MSI2: variants seen among roughly 807,000 people sequenced by gnomAD.
The protein encoded by MSI2 is RNA-binding protein Musashi homolog 2.
Under a neutral mutation model 45.6 loss-of-function variants are expected in MSI2, and 17 were observed. The observed-to-expected ratio is 0.37, with a 90% confidence interval of 0.26 to 0.56. The LOEUF (loss-of-function observed/expected upper bound fraction) is 0.56, where lower values mean the gene tolerates loss of function less well. MSI2 is among the 20% of genes least tolerant of loss of function. MSI2 has a pLI of 0.77. For synonymous variants in MSI2, 156 were observed against 158.2 expected (o/e 0.99, Z 0.11); for missense variants, 293 against 444.2 (o/e 0.66, Z 3.06).
At chr17:57,472,398 C>A (rs1011683425) in intron 6 of MSI2, among the ~76,000 whole-genome samples, 2 of 152,088 alleles carry the variant, frequency 1.3e-5, no homozygotes, top group Non-Finnish European at 2.9e-5. Context: ...AGATCAGATC[C>A]CCTTAGTGAA....
chr17:57,298,269 T>A (rs1202315692), intron 5 of MSI2, among the ~76,000 whole-genome samples: 1 of 152,212 alleles, frequency 6.6e-6, no homozygotes, highest in African/African-American at 2.4e-5. Flanking sequence ...AAGACAACAT[T>A]AATCTTCTTG....
At chr17:57,307,044 C>A (rs1447798324) in intron 5 of MSI2, among the ~76,000 whole-genome samples, 1 of 152,224 alleles carries the variant, frequency 6.6e-6, no homozygotes, top group Non-Finnish European at 1.5e-5. Flanking sequence ...TTTTGAGGAA[C>A]ATTTTGAGCT....
chr17:57,490,625 G>A (rs1352768399), intron 6 of MSI2, among the ~76,000 whole-genome samples: 2 of 152,184 alleles, frequency 1.3e-5, no homozygotes, highest in Non-Finnish European at 2.9e-5. Context: ...CTAAAGCAAA[G>A]GGATTATCCT....
intron 8 of MSI2, chr17:57,608,206 C>T (rs1185603801): frequency 6.6e-6 from 1 of 152,552 alleles, no homozygotes; most frequent in Non-Finnish European, 1.5e-5. Context: ...TCACCAACCC[C>T]CTAGCCCCTT....
At chr17:57,497,605 G>C (rs1340299846) in intron 6 of MSI2, among the ~76,000 whole-genome samples, 1 of 152,202 alleles carries the variant, frequency 6.6e-6, no homozygotes, top group East Asian at 1.9e-4. Context: ...TTTTCAGCTA[G>C]TCCTGTACTT....
chr17:57,304,340 G>C (rs900222578), intron 5 of MSI2, among the ~76,000 whole-genome samples: 1 of 134,838 alleles, frequency 7.4e-6, no homozygotes, highest in African/African-American at 2.8e-5. Context: ...CTGGGCGACA[G>C]AGTGAGACTC....
At chr17:57,580,955 A>G (rs995491958) in intron 7 of MSI2, among the ~76,000 whole-genome samples, 1 of 149,776 alleles carries the variant, frequency 6.7e-6, no homozygotes, top group African/African-American at 2.5e-5. Flanking sequence ...CATAACCAGA[A>G]CTAGCATTAT....
At chr17:57,446,492 C>G (rs2084903151) in intron 6 of MSI2, among the ~76,000 whole-genome samples, 2 of 152,208 alleles carry the variant, frequency 1.3e-5, no homozygotes, top group African/African-American at 2.4e-5. Context: ...CCCTTTGGGG[C>G]TCTCTGCCAC....
intron 8 of MSI2, among the ~76,000 whole-genome samples, chr17:57,608,679 C>A (rs1377215900): frequency 6.6e-6 from 1 of 152,246 alleles, no homozygotes; most frequent in Non-Finnish European, 1.5e-5. Context: ...CAAAGGACCC[C>A]TTGTCGTCTT....
At chr17:57,644,440 T>C (rs554284774) in intron 10 of MSI2, among the ~76,000 whole-genome samples, 4 of 152,070 alleles carry the variant, frequency 2.6e-5, no homozygotes, top group Non-Finnish European at 5.9e-5. Context: ...TGCACAGAAG[T>C]CAGGGCTGTG....
intron 7 of MSI2, among the ~76,000 whole-genome samples, chr17:57,541,903 A>G (rs1478284261): frequency 6.6e-6 from 1 of 152,168 alleles, no homozygotes; most frequent in Non-Finnish European, 1.5e-5. Flanking sequence ...GAATGTGTCC[A>G]GCGTTGGTGC....
chr17:57,651,956 C>T (rs1911182598), intron 10 of MSI2, 143 bp from the exon 11 acceptor site: 1 of 706,904 alleles, frequency 1.4e-6, no homozygotes, highest in Admixed American at 2.2e-5. Flanking sequence ...CTCTGTGTCC[C>T]TCTCAAAAGC....
intron 5 of MSI2, among the ~76,000 whole-genome samples, chr17:57,387,495 T>C (rs972667383): frequency 6.6e-6 from 1 of 152,218 alleles, no homozygotes; most frequent in African/African-American, 2.4e-5. Context: ...GTGATCTTCC[T>C]AATGTGCAAC....
intron 7 of MSI2, among the ~76,000 whole-genome samples, chr17:57,539,120 A>C (rs886338065): frequency 1.3e-5 from 2 of 152,112 alleles, no homozygotes; most frequent in Non-Finnish European, 2.9e-5. Context: ...GGGGAAGAGA[A>C]TTAAGCAACC....
intron 13 of MSI2, among the ~76,000 whole-genome samples, chr17:57,679,251 T>C (rs1913453536): frequency 6.6e-6 from 1 of 152,210 alleles, no homozygotes; most frequent in South Asian, 2.1e-4. Context: ...TGTAAGCACA[T>C]TTCCCACCAC....
intron 5 of MSI2, among the ~76,000 whole-genome samples, chr17:57,348,056 G>A (rs1915757934): frequency 6.6e-6 from 1 of 152,212 alleles, no homozygotes; most frequent in Non-Finnish European, 1.5e-5. Flanking sequence ...GCTCATGGAT[G>A]CACACATCGC....
chr17:57,281,581 C>T (rs1407956358), intron 5 of MSI2, among the ~76,000 whole-genome samples: 2 of 152,192 alleles, frequency 1.3e-5, no homozygotes, highest in East Asian at 3.8e-4. Flanking sequence ...TTTCTTCGAG[C>T]AGAACCCAAG....
chr17:57,649,326 A>G (rs1186522372), intron 10 of MSI2, among the ~76,000 whole-genome samples: 1 of 151,398 alleles, frequency 6.6e-6, no homozygotes, highest in African/African-American at 2.4e-5. Context: ...CATACACTCA[A>G]CACACATCCA....
intron 6 of MSI2, among the ~76,000 whole-genome samples, chr17:57,475,822 CG>C (rs2085526572): frequency 6.6e-6 from 1 of 151,894 alleles, no homozygotes; most frequent in Admixed American, 6.6e-5. Flanking sequence ...CACACACACA[CG>C]AAAAGAACAT....
Sources: allele counts gnomAD v4.1 joint callset (sites outside exome capture counted in the v4.1 genomes callset), GRCh38; gene constraint gnomAD v4.1.1; transcripts MANE v1.5; gene names NCBI Gene and HGNC (gene_info 2026-07-23, HGNC 2026-07-21).